RSRP1: variants seen among roughly 807,000 people sequenced by gnomAD.
The protein encoded by RSRP1 is arginine/serine-rich protein 1.
RSRP1 carries 37 observed loss-of-function variants against 33.0 expected under a neutral mutation model. The observed-to-expected ratio is 1.12, with a 90% CI of 0.86 to 1.48. The LOEUF (loss-of-function observed/expected upper bound fraction) is 1.48. Among genes scored for constraint, RSRP1 ranks in the 40% most tolerant of loss-of-function variants. The pLI, the probability that RSRP1 is intolerant of heterozygous loss-of-function variation, is 0.00. For synonymous variants in RSRP1, 167 were observed against 158.7 expected, an observed-to-expected ratio of 1.05 and a Z score of -0.40; for missense variants, 402 against 385.3, an observed-to-expected ratio of 1.04 and a Z score of -0.36.
intron 1 of RSRP1, among the ~76,000 whole-genome samples, chr1:25,312,936 A>AAAAAAAAAAAAAAAAAAAAC (rs1362256178): frequency 9.6e-6 from 1 of 104,314 alleles, no homozygotes; most frequent in Non-Finnish European, 2.3e-5. Context: ...AAAAAAAAAA[A>AAAAAAAAAAAAAAAAAAAAC]AAAAAAAAAA....
chr1:25,307,911 A>G, intron 1 of RSRP1: 2 of 993,694 alleles, frequency 2.0e-6, no homozygotes, highest in Non-Finnish European at 1.5e-6. Flanking sequence ...CACTGTCTTA[A>G]TAACTGTGCA....
intron 1 of RSRP1, among the ~76,000 whole-genome samples, chr1:25,264,358 G>A (rs1168199585): frequency 2.0e-5 from 3 of 151,930 alleles, no homozygotes; most frequent in Admixed American, 6.5e-5. Context: ...TAATCTAGGC[G>A]AAGGTTTCCA....
In RSRP1 at chr1:25,276,201, T is replaced by C. The variant is rs796155501; in HGVS notation, c.-66-29172A>G. The stretch of plus-strand genomic sequence containing the variant: ...AAAGCATGGTGGGTTGTTTTTGTTT[T>C]TGTTTTTTAAGTCTCCATCTGTTAG... On this transcript the variant is annotated intron_variant, in intron 1 of 1. Transcript: ENST00000561867. Among the ~76,000 whole-genome samples, 13 of 131,358 alleles carry C rather than the reference T, an allele frequency of 9.9e-5. 2 individuals are homozygous for C. The highest frequency in any genetic ancestry group is 3.0e-4 in the Admixed American group (4 of 13,404). The allele number at this position is 131,358 out of a possible 152,430, so 86.2% of individuals were successfully genotyped here.
In RSRP1 at chr1:25,285,377, G is replaced by A. The variant is rs779674774; in HGVS notation, c.-66-38348C>T. Among the ~76,000 whole-genome samples, 47 of 134,472 alleles carry A rather than the reference G, an allele frequency of 3.5e-4. 7 individuals carry two copies. Among genetic ancestry groups the A allele is most frequent in the African/African-American group, 1.1e-3 (41 of 38,870 alleles). 88.2% of individuals were successfully genotyped at this position (134,472 alleles called of 152,430 possible). On this transcript the variant is annotated intron_variant, in intron 1 of 1. Coordinates refer to the RSRP1 transcript ENST00000561867. The stretch of plus-strand genomic sequence containing the variant: ...TCAAACTCCTGACCTCAGGTGATCC[G>A]CCCGCCTCGGCCTCCCAAAGTGCTG...
At position 25,246,896 on chromosome 1, in the gene RSRP1, C is replaced by G. The variant is rs909590611; in HGVS notation, c.68G>C (p.Arg23Pro). 2 of 1,605,132 alleles carry G rather than the reference C, an allele frequency of 1.2e-6. No individual in the cohort carries two copies. The highest frequency in any genetic ancestry group is 3.4e-5 in the Admixed American group (2 of 59,648). ...CGACAGCCGGCTGGACCCGCCCGAC[C>G]GCGAGGTCGAGGGCGAATCCTTCTC... ...PQEKDSPSTS[R>P]SGGSSRLSSR... is the part of the protein sequence containing the mutation. The change falls in exon 2 of 5, where the codon CGG (arginine) becomes CCG (proline). Residue 23 changes from arginine to proline, a missense_variant. Arg to Pro is a moderately radical substitution (Grantham distance 103). Transcript: ENST00000243189.
At chr1:25,249,734 G>GACC (rs1352543135), upstream of RSRP1, among the ~76,000 whole-genome samples, 3 of 152,012 alleles carry the variant, frequency 2.0e-5, no homozygotes, top group Non-Finnish European at 4.4e-5. Context: ...AAACATACGC[G>GACC]GTCTACCTGA....
upstream of RSRP1, chr1:25,248,322 T>C (rs1639636838): frequency 6.6e-6 from 1 of 151,950 alleles, no homozygotes; most frequent in Non-Finnish European, 1.5e-5. Context: ...AGCATAACAA[T>C]TGCCTTGAAA....
chr1:25,301,769 A>G (rs1643409315), intron 1 of RSRP1: 1 of 1,034,926 alleles, frequency 9.7e-7, no homozygotes, highest in Non-Finnish European at 1.5e-6. Flanking sequence ...CCCCAGGGCC[A>G]GCGTGGGTTG....
rs1170303671 is a variant in RSRP1, at chr1:25,290,645, C to T, written c.-66-43616G>A. On this transcript the variant is annotated intron_variant, in intron 1 of 1. Coordinates refer to the RSRP1 transcript ENST00000561867. ...GGCTCTCCCTCTCTCCCCCAGTATT[C>T]GGCTGGCCACCATGAGTGCTTTGTC... 6 of 1,377,620 alleles carry T rather than the reference C, an allele frequency of 4.4e-6. 1 individual carries two copies. Among genetic ancestry groups the T allele is most frequent in the African/African-American group, 2.8e-5 (2 of 70,916 alleles). 85.3% of individuals were successfully genotyped at this position (1,377,620 alleles called of 1,614,324 possible).
chr1:25,317,863 AG>A lies in RSRP1; in HGVS notation c.-67+20114del, dbSNP rs1432738759. ...TGTGAATGGAGTGAGAAGGAGCAGC[AG>A]GGGTTGAGGGCAGAATGGTAGTGAG... On this transcript the variant is annotated intron_variant, in intron 1 of 1. Coordinates refer to the RSRP1 transcript ENST00000561867. Among the ~76,000 whole-genome samples, 42 of 105,036 alleles carry A rather than the reference AG, an allele frequency of 4.0e-4. 2 individuals carry two copies. Among genetic ancestry groups the A allele is most frequent in the Admixed American group, 3.9e-3 (41 of 10,566 alleles). 68.9% of individuals were successfully genotyped at this position (105,036 alleles called of 152,430 possible). A position where few individuals can be genotyped will look rare whatever the true frequency, so the allele number is the denominator to read the frequency against.
At position 25,282,982 on chromosome 1, in the gene RSRP1, T is replaced by C. The variant is rs562501507; in HGVS notation, c.-66-35953A>G. On this transcript the variant is annotated intron_variant, in intron 1 of 1. Coordinates refer to the RSRP1 transcript ENST00000561867. Reference sequence around the variant, plus strand: ...ACACCTCCCAAACTTAGAGACAATATTAATGACGGAAAAAAAATTCTTCAA... The same window carrying C: ...ACACCTCCCAAACTTAGAGACAATACTAATGACGGAAAAAAAATTCTTCAA... 6.0e-5 allele frequency among the ~76,000 whole-genome samples: 8 copies of C among 132,762 alleles called. 1 individual carries two copies. In the South Asian group the frequency reaches 1.8e-3, roughly 31 times the overall value. The allele number at this position is 132,762 out of a possible 152,430, so 87.1% of individuals were successfully genotyped here.
At chr1:25,244,649 G>T in intron 3 of RSRP1, 2 of 1,224,394 alleles carry the variant, frequency 1.6e-6, no homozygotes, top group Admixed American at 6.5e-5. Flanking sequence ...AGCTAATAAC[G>T]GTGTTATAAG....
upstream of RSRP1, chr1:25,248,141 T>G (rs1239455446): frequency 6.6e-6 from 1 of 152,208 alleles, no homozygotes; most frequent in Non-Finnish European, 1.5e-5. Context: ...AGGAAGGTAA[T>G]AAGGTCGAGA....
At chr1:25,285,325 G>A (rs1324466764) in intron 1 of RSRP1, among the ~76,000 whole-genome samples, 1 of 133,790 alleles carries the variant, frequency 7.5e-6, no homozygotes, top group Non-Finnish European at 1.8e-5. Flanking sequence ...GTAGAGATAG[G>A]GTTTCTCCGT....
chr1:25,251,648 C>G (rs1452727082), upstream of RSRP1, among the ~76,000 whole-genome samples: 1 of 152,100 alleles, frequency 6.6e-6, no homozygotes, highest in African/African-American at 2.4e-5. Flanking sequence ...GGATTACAGG[C>G]GTGAGCCACT....
At chr1:25,296,805 CA>C (rs1183826492) in intron 1 of RSRP1, among the ~76,000 whole-genome samples, 1 of 123,762 alleles carries the variant, frequency 8.1e-6, no homozygotes, top group African/African-American at 2.7e-5. Context: ...CACCTTCCAC[CA>C]TGATTGTAAG....
chr1:25,330,953 C>CTTTTTTTTTTTTTT (rs71014353), intron 1 of RSRP1, among the ~76,000 whole-genome samples: 3 of 34,694 alleles, frequency 8.6e-5, no homozygotes, highest in Admixed American at 4.1e-4. Flanking sequence ...TGTCATCTTC[C>CTTTTTTTTTTTTTT]TTTTTTTTTT....
Position 25,246,625 on chromosome 1 carries a change from G to A in RSRP1, c.339C>T (p.Ser113=), listed in dbSNP as rs1381695194. 6.2e-7 allele frequency: 1 copy of A among 1,614,070 alleles called. No homozygotes were observed. The highest frequency in any genetic ancestry group is 1.1e-5 in the South Asian group (1 of 91,086). ...RYYRSPSRYR[S]RSRSRSRSRG... ...GAGAGCGCGACCTGCTACGGGACCG[G>A]GACCGGTACCGCGAAGGAGACCGGT... The change falls in exon 2 of 5, where the codon TCC becomes TCT. Residue 113 remains serine, a synonymous_variant. Coordinates refer to ENST00000243189, the MANE Select transcript of RSRP1 (RefSeq NM_020317.5).
chr1:25,269,159 C>G (rs112710983), intron 1 of RSRP1, among the ~76,000 whole-genome samples: 3 of 132,416 alleles, frequency 2.3e-5, no homozygotes, highest in Admixed American at 7.3e-5. Context: ...ATAGCTTAGT[C>G]TCACCTACCT....
Sources: allele counts gnomAD v4.1 joint callset (sites outside exome capture counted in the v4.1 genomes callset), GRCh38; gene constraint gnomAD v4.1.1; transcripts MANE v1.5; gene names NCBI Gene and HGNC (gene_info 2026-07-23, HGNC 2026-07-21).